BTRC: variants seen among roughly 807,000 people sequenced by gnomAD.
The protein encoded by BTRC is F-box/WD repeat-containing protein 1A.
Under a neutral mutation model 85.5 loss-of-function variants are expected in BTRC, and 42 were observed. The observed-to-expected ratio is 0.49, with a 90% CI of 0.38 to 0.64. The LOEUF (loss-of-function observed/expected upper bound fraction) is 0.64. Among genes scored for constraint, BTRC ranks in the 30% least tolerant of loss-of-function variants. The pLI is 0.00. For missense variants in BTRC, 594 were observed against 743.5 expected (o/e 0.80, Z 2.34); for synonymous variants, 255 against 263.3 (o/e 0.97, Z 0.30).
intron 1 of BTRC, among the ~76,000 whole-genome samples, chr10:101,419,917 C>T (rs1944052587): frequency 6.6e-6 from 1 of 152,108 alleles, no homozygotes; most frequent in Non-Finnish European, 1.5e-5. Flanking sequence ...CCTGTCCAAG[C>T]CCTCGCATTG....
At chr10:101,477,604 G>A (rs1451047759) in intron 3 of BTRC, among the ~76,000 whole-genome samples, 1 of 152,132 alleles carries the variant, frequency 6.6e-6, no homozygotes, top group Non-Finnish European at 1.5e-5. Flanking sequence ...ATGAGCCACT[G>A]TGCCCAGCTA....
At chr10:101,390,168 C>T (rs1378574193) in intron 1 of BTRC, among the ~76,000 whole-genome samples, 1 of 152,030 alleles carries the variant, frequency 6.6e-6, no homozygotes, top group Non-Finnish European at 1.5e-5. Flanking sequence ...ATGTGGTAGA[C>T]AATAAATACT....
At chr10:101,459,880 A>G (rs1433634992) in intron 2 of BTRC, among the ~76,000 whole-genome samples, 1 of 152,178 alleles carries the variant, frequency 6.6e-6, no homozygotes, top group East Asian at 1.9e-4. Context: ...TTCACTTTAT[A>G]ATTCAGTATA....
intron 1 of BTRC, among the ~76,000 whole-genome samples, chr10:101,360,444 A>T (rs1273117910): frequency 7.0e-6 from 1 of 143,734 alleles, no homozygotes. Flanking sequence ...CACGATCTCA[A>T]CTCACTGCAA....
chr10:101,486,315 A>G (rs1473164547), intron 4 of BTRC, among the ~76,000 whole-genome samples: 10 of 152,168 alleles, frequency 6.6e-5, no homozygotes. Context: ...ATCTGCCCGA[A>G]TGGTGGGGGC....
Position 101,526,209 on chromosome 10 carries a change from T to C in BTRC, c.743+10T>C. ...CAGAACGAAGAGGATGGTGAGCCTTTAACTTTTCTTACTCTTATACGGCTT... is the reference window on the plus strand; with the variant it reads ...CAGAACGAAGAGGATGGTGAGCCTTCAACTTTTCTTACTCTTATACGGCTT... On this transcript the variant is annotated intron_variant, in intron 6 of 14. Transcript: ENST00000370187. The C allele has an allele frequency of 6.2e-7, 1 of 1,612,778 alleles. No individual in the cohort carries two copies. The highest frequency in any genetic ancestry group is 8.5e-7 in the Non-Finnish European group (1 of 1,179,094).
At chr10:101,408,132 A>G (rs777573068) in intron 1 of BTRC, among the ~76,000 whole-genome samples, 6 of 152,266 alleles carry the variant, frequency 3.9e-5, no homozygotes, top group African/African-American at 4.8e-5. Context: ...ACATATTTCA[A>G]TTTGGACTAG....
At chr10:101,505,937 C>T (rs549037803) in intron 4 of BTRC, among the ~76,000 whole-genome samples, 30 of 148,258 alleles carry the variant, frequency 2.0e-4, no homozygotes, top group Admixed American at 3.4e-4. Flanking sequence ...TTTTTTGAGA[C>T]GGAGTCTCGC....
intron 1 of BTRC, among the ~76,000 whole-genome samples, chr10:101,414,032 A>C (rs1181344094): frequency 6.6e-6 from 1 of 152,176 alleles, no homozygotes; most frequent in East Asian, 1.9e-4. Context: ...ACAATTCAGT[A>C]GTTTTAGCAC....
chr10:101,434,470 CAT>C (rs1944477112), intron 2 of BTRC, among the ~76,000 whole-genome samples: 1 of 152,020 alleles, frequency 6.6e-6, no homozygotes, highest in Non-Finnish European at 1.5e-5. Flanking sequence ...TCGGAGTTAA[CAT>C]GTATAAAACT....
chr10:101,519,011 A>G (rs1035463428), intron 4 of BTRC, among the ~76,000 whole-genome samples: 11 of 151,408 alleles, frequency 7.3e-5, no homozygotes, highest in East Asian at 3.9e-4. Context: ...GCTTAAATCA[A>G]TCAAGGTGTT....
intron 4 of BTRC, among the ~76,000 whole-genome samples, chr10:101,519,393 TGTA>T (rs148478790): frequency 2.0e-5 from 3 of 152,158 alleles, no homozygotes; most frequent in Admixed American, 6.5e-5. Flanking sequence ...AGCTCATTCT[TGTA>T]GTAGGCAGAA....
chr10:101,362,558 G>A (rs1213257933), intron 1 of BTRC, among the ~76,000 whole-genome samples: 1 of 152,006 alleles, frequency 6.6e-6, no homozygotes, highest in Non-Finnish European at 1.5e-5. Flanking sequence ...ACCACACCCA[G>A]CTAATTTTGT....
At chr10:101,395,836 C>T (rs955698013) in intron 1 of BTRC, among the ~76,000 whole-genome samples, 1 of 151,916 alleles carries the variant, frequency 6.6e-6, no homozygotes, top group African/African-American at 2.4e-5. Flanking sequence ...TTTTACATGC[C>T]TGTAGGGGAC....
chr10:101,404,374 C>T (rs1187572435), intron 1 of BTRC, among the ~76,000 whole-genome samples: 5 of 151,982 alleles, frequency 3.3e-5, no homozygotes, highest in East Asian at 1.9e-4. Context: ...TTAATTTCAC[C>T]GTCTGTGCCA....
intron 6 of BTRC, among the ~76,000 whole-genome samples, chr10:101,528,319 T>G (rs2062230875): frequency 6.6e-6 from 1 of 152,186 alleles, no homozygotes; most frequent in East Asian, 1.9e-4. Context: ...GGTAAAAGGC[T>G]CCACAGTTTT....
At chr10:101,417,328 C>T (rs1388941081) in intron 1 of BTRC, among the ~76,000 whole-genome samples, 7 of 152,184 alleles carry the variant, frequency 4.6e-5, no homozygotes, top group Non-Finnish European at 8.8e-5. Flanking sequence ...CCTTGGCTTT[C>T]ATAACATTGA....
intron 14 of BTRC, 114 bp downstream of exon 14, chr10:101,551,005 A>G: frequency 1.1e-6 from 1 of 945,944 alleles, no homozygotes; most frequent in Non-Finnish European, 1.5e-6. Context: ...ACTCCTGTAA[A>G]GCCGAGGAAG....
chr10:101,474,738 T>C (rs946940919), intron 3 of BTRC, among the ~76,000 whole-genome samples: 24 of 152,324 alleles, frequency 1.6e-4, no homozygotes, highest in Admixed American at 1.3e-3. Context: ...CTGCACCAAG[T>C]GGACTCGTGA....
Sources: gnomAD v4.1 joint callset for allele counts (sites outside exome capture counted in the v4.1 genomes callset) on GRCh38, gnomAD v4.1.1 for gene constraint, MANE v1.5 for transcripts, NCBI Gene and HGNC (gene_info 2026-07-23, HGNC 2026-07-21) for gene names.